The following DIP2C variants were observed in gnomAD, a reference collection of about 807,000 sequenced individuals.
The protein encoded by DIP2C is DIP2 acetate--CoA ligase C (putative).
A neutral mutation model predicts 192.4 loss-of-function variants in DIP2C; 33 were observed. That is an observed-to-expected ratio of 0.17 (90% CI 0.13 to 0.23). The LOEUF is 0.23. Ranked by LOEUF, DIP2C falls within the 10% of genes least tolerant of loss-of-function variation. DIP2C has a pLI of 1.00. For synonymous variants in DIP2C, 979 were observed against 864.1 expected (o/e 1.13, Z -2.33); for missense variants, 1,537 against 2,110.1 (o/e 0.73, Z 5.32).
chr10:589,426 C>T (rs755247768), intron 1 of DIP2C, among the ~76,000 whole-genome samples: 16 of 152,156 alleles, frequency 1.1e-4, no homozygotes, highest in Non-Finnish European at 2.1e-4. Context: ...AAGGTCTCGA[C>T]GATTTCCATT....
At chr10:281,130 C>G in intron 36 of DIP2C, 70 bp downstream of exon 36, 1 of 1,589,576 alleles carries the variant, frequency 6.3e-7, no homozygotes, top group South Asian at 1.1e-5. Flanking sequence ...CACCGCCGTG[C>G]TCTCCACATT....
chr10:649,968 G>T, intron 1 of DIP2C: 1 of 616,848 alleles, frequency 1.6e-6, no homozygotes, highest in South Asian at 1.9e-5. Context: ...AACGGAAAAG[G>T]AAATGTAAGC....
At chr10:624,018 C>G (rs185361331) in intron 1 of DIP2C, among the ~76,000 whole-genome samples, 1 of 152,218 alleles carries the variant, frequency 6.6e-6, no homozygotes, top group African/African-American at 2.4e-5. Context: ...GAAGCCAACA[C>G]AGTTGGGCTC....
chr10:668,957 A>G (rs1198768928), intron 1 of DIP2C: 1 of 152,160 alleles, frequency 6.6e-6, no homozygotes, highest in Non-Finnish European at 1.5e-5. Flanking sequence ...ACTCACACTC[A>G]GAGGCCAGGA....
At chr10:663,467 G>A (rs1856884259) in intron 1 of DIP2C, 1 of 152,304 alleles carries the variant, frequency 6.6e-6, no homozygotes, top group Non-Finnish European at 1.5e-5. Flanking sequence ...ACCCTTCATG[G>A]AACACAGCAG....
intron 1 of DIP2C, among the ~76,000 whole-genome samples, chr10:601,524 A>T (rs1852073074): frequency 6.6e-6 from 1 of 152,218 alleles, no homozygotes; most frequent in Admixed American, 6.5e-5. Flanking sequence ...CTAAAAATGC[A>T]TTCCCAGACT....
chr10:415,681 A>G (rs1006387870), intron 7 of DIP2C, 88 bp downstream of exon 7: 1 of 1,548,774 alleles, frequency 6.5e-7, no homozygotes, highest in Non-Finnish European at 8.8e-7. Context: ...TGCTCTTAAA[A>G]AGTAAAATAG....
chr10:499,442 TG>T (rs1371156673), intron 1 of DIP2C, among the ~76,000 whole-genome samples: 1 of 152,200 alleles, frequency 6.6e-6, no homozygotes, highest in Non-Finnish European at 1.5e-5. Context: ...TACACATGGC[TG>T]GGGAGACCTC....
rs1403334472 is a variant in DIP2C, at chr10:276,785, A to G, written c.*540T>C. 2.0e-5 allele frequency: 3 copies of G among 153,600 alleles called. No homozygotes were observed. Among genetic ancestry groups the G allele is most frequent in the Non-Finnish European group, 2.9e-5 (2 of 68,756 alleles). The allele number at this position is 153,600 out of a possible 1,614,324, so 9.5% of individuals were successfully genotyped here. On this transcript the variant is annotated 3_prime_UTR_variant, in exon 37 of 37. Transcript: ENST00000280886. ...CTGACAAAGAAAGCTGCTATTATCT[A>G]ATTGGAAGGTGCTATTTGGAAGGTT...
At chr10:375,407 C>T (rs1430466786) in intron 17 of DIP2C, among the ~76,000 whole-genome samples, 1 of 152,206 alleles carries the variant, frequency 6.6e-6, no homozygotes, top group African/African-American at 2.4e-5. Flanking sequence ...TTACAGCCTA[C>T]AGAACTGTGA....
At chr10:305,278 A>G (rs918414644) in intron 32 of DIP2C, among the ~76,000 whole-genome samples, 2 of 152,312 alleles carry the variant, frequency 1.3e-5, no homozygotes, top group African/African-American at 4.8e-5. Context: ...TGCAGACACT[A>G]TTCACACACT....
chr10:572,651 G>A (rs898585784), intron 1 of DIP2C, among the ~76,000 whole-genome samples: 1 of 152,194 alleles, frequency 6.6e-6, no homozygotes, highest in South Asian at 2.1e-4. Context: ...TCCAGTGACT[G>A]TATTCACAGA....
chr10:400,367 C>T (rs981451155), intron 9 of DIP2C, among the ~76,000 whole-genome samples: 2 of 152,172 alleles, frequency 1.3e-5, no homozygotes, highest in Non-Finnish European at 2.9e-5. Flanking sequence ...TGTATCTTGA[C>T]GAAGAACAAT....
chr10:569,169 A>G (rs1373295505), intron 1 of DIP2C, among the ~76,000 whole-genome samples: 1 of 152,214 alleles, frequency 6.6e-6, no homozygotes, highest in Admixed American at 6.5e-5. Flanking sequence ...CAAAAGAAAA[A>G]GAATATGCAG....
intron 32 of DIP2C, among the ~76,000 whole-genome samples, chr10:295,774 C>T (rs374279059): frequency 5.3e-5 from 8 of 151,880 alleles, no homozygotes; most frequent in South Asian, 2.1e-4. Flanking sequence ...CTTGGGAGGC[C>T]GAGGTGGGCT....
chr10:617,278 G>A (rs1286027440), intron 1 of DIP2C, among the ~76,000 whole-genome samples: 1 of 151,896 alleles, frequency 6.6e-6, no homozygotes, highest in African/African-American at 2.4e-5. Context: ...AAATAGCAGC[G>A]GGGTAAGAGC....
intron 1 of DIP2C, among the ~76,000 whole-genome samples, chr10:545,302 G>A (rs1848228088): frequency 6.6e-6 from 1 of 151,664 alleles, no homozygotes; most frequent in Admixed American, 6.6e-5. Context: ...GGGCAGCTGG[G>A]ACTACAGGCA....
At chr10:642,277 G>A (rs1855230630) in intron 1 of DIP2C, among the ~76,000 whole-genome samples, 1 of 152,222 alleles carries the variant, frequency 6.6e-6, no homozygotes, top group Non-Finnish European at 1.5e-5. Flanking sequence ...CCCACCTGGA[G>A]GGCAGGTGAA....
chr10:416,287 C>T (rs748564600), intron 6 of DIP2C, among the ~76,000 whole-genome samples: 32 of 152,078 alleles, frequency 2.1e-4, no homozygotes, highest in Non-Finnish European at 3.2e-4. Flanking sequence ...AAGTCCTTCC[C>T]TGCGTCTATC....
Sources: gnomAD v4.1 joint callset for allele counts (sites outside exome capture counted in the v4.1 genomes callset) on GRCh38, gnomAD v4.1.1 for gene constraint, MANE v1.5 for transcripts, NCBI Gene and HGNC (gene_info 2026-07-23, HGNC 2026-07-21) for gene names.